GRID2: variants seen among roughly 807,000 people sequenced by gnomAD.
The protein encoded by GRID2 is glutamate ionotropic receptor delta type subunit 2.
A neutral mutation model predicts 114.8 loss-of-function variants in GRID2; 33 were observed. That is an observed-to-expected ratio of 0.29 (90% CI 0.22 to 0.38). GRID2 has a LOEUF of 0.38. GRID2 is among the 10% of genes least tolerant of loss of function. GRID2 has a pLI of 1.00. For missense variants in GRID2, 1,184 were observed against 1,257.7 expected (o/e 0.94, Z 0.89); for synonymous variants, 505 against 449.9 (o/e 1.12, Z -1.55).
chr4:92,387,247 AGTT>A (rs1730007392), intron 1 of GRID2, among the ~76,000 whole-genome samples: 1 of 151,868 alleles, frequency 6.6e-6, no homozygotes, highest in Non-Finnish European at 1.5e-5. Flanking sequence ...AAAGATTTGG[AGTT>A]GTTATCTAGA....
intron 14 of GRID2, among the ~76,000 whole-genome samples, chr4:93,703,131 C>T (rs1287546305): frequency 6.6e-6 from 1 of 152,080 alleles, no homozygotes; most frequent in East Asian, 1.9e-4. Context: ...TTTTTTCTGA[C>T]ATCAAGCATG....
chr4:93,514,846 CA>C (rs1287403882), intron 12 of GRID2, among the ~76,000 whole-genome samples: 1 of 152,114 alleles, frequency 6.6e-6, no homozygotes, highest in African/African-American at 2.4e-5. Context: ...ATGCTGATAA[CA>C]TATTGAAAGT....
At chr4:93,506,261 T>C (rs542752204) in intron 12 of GRID2, among the ~76,000 whole-genome samples, 2 of 152,136 alleles carry the variant, frequency 1.3e-5, no homozygotes, top group African/African-American at 4.8e-5. Flanking sequence ...CGGGACAGAG[T>C]GCAGAAAATA....
intron 14 of GRID2, among the ~76,000 whole-genome samples, chr4:93,760,001 C>A (rs1363550169): frequency 6.6e-6 from 1 of 152,166 alleles, no homozygotes; most frequent in Admixed American, 6.5e-5. Context: ...ACTTTCCAGC[C>A]ATGTGGCCTT....
At chr4:92,625,956 A>T (rs537361199) in intron 2 of GRID2, among the ~76,000 whole-genome samples, 1 of 152,022 alleles carries the variant, frequency 6.6e-6, no homozygotes, top group Non-Finnish European at 1.5e-5. Context: ...CTTACATTTT[A>T]AAATTCTGTT....
chr4:93,148,281 T>G (rs1258781173), intron 4 of GRID2, among the ~76,000 whole-genome samples: 1 of 152,156 alleles, frequency 6.6e-6, no homozygotes, highest in Non-Finnish European at 1.5e-5. Flanking sequence ...GAAATAACAC[T>G]ACTGCCAACT....
At chr4:92,627,005 A>G (rs1261222875) in intron 2 of GRID2, among the ~76,000 whole-genome samples, 1 of 152,168 alleles carries the variant, frequency 6.6e-6, no homozygotes, top group Admixed American at 6.6e-5. Flanking sequence ...GAAATATAAT[A>G]ACTAAGGTAA....
At chr4:93,080,799 T>C (rs1367821625) in intron 2 of GRID2, among the ~76,000 whole-genome samples, 1 of 152,156 alleles carries the variant, frequency 6.6e-6, no homozygotes, top group Admixed American at 6.6e-5. Flanking sequence ...TGAGACTGGG[T>C]AATTTATAAT....
chr4:92,776,013 C>A (rs1270987328), intron 2 of GRID2, among the ~76,000 whole-genome samples: 2 of 152,072 alleles, frequency 1.3e-5, no homozygotes, highest in African/African-American at 4.8e-5. Flanking sequence ...CTCTGACACA[C>A]TATAGGAAGG....
intron 1 of GRID2, among the ~76,000 whole-genome samples, chr4:92,316,009 AAAAAAG>A: frequency 1.3e-5 from 2 of 150,906 alleles, no homozygotes; most frequent in East Asian, 3.9e-4. Context: ...AAAAAAAAAA[AAAAAAG>A]AAAAGAGAAC....
chr4:92,501,187 C>T lies in GRID2; in HGVS notation c.89-88944C>T, dbSNP rs979931430. Among the ~76,000 whole-genome samples the T allele has an allele frequency of 3.4e-4, 52 of 152,078 alleles. 1 individual carries two copies. ...GTTTTCAGAAGTATACTTTAATTGACAGTAATTACTGTCAGTTGCAGTAAT... is the reference window on the plus strand; with the variant it reads ...GTTTTCAGAAGTATACTTTAATTGATAGTAATTACTGTCAGTTGCAGTAAT... On this transcript the variant is annotated intron_variant, in intron 1 of 15. Coordinates refer to ENST00000282020, the MANE Select transcript of GRID2 (RefSeq NM_001510.4).
At chr4:92,350,672 A>T (rs1229792662) in intron 1 of GRID2, among the ~76,000 whole-genome samples, 2 of 151,822 alleles carry the variant, frequency 1.3e-5, no homozygotes. Flanking sequence ...TAACAGCTTT[A>T]TTGAGATATA....
At chr4:93,636,238 G>A (rs970186177) in intron 14 of GRID2, among the ~76,000 whole-genome samples, 2 of 152,092 alleles carry the variant, frequency 1.3e-5, no homozygotes, top group African/African-American at 4.8e-5. Flanking sequence ...CAGCAAGTCT[G>A]ATTAGCCTTT....
chr4:93,031,980 A>C (rs1383000967), intron 2 of GRID2, among the ~76,000 whole-genome samples: 1 of 152,158 alleles, frequency 6.6e-6, no homozygotes, highest in African/African-American at 2.4e-5. Flanking sequence ...CAAGCATTAT[A>C]AACAGACTAA....
intron 8 of GRID2, among the ~76,000 whole-genome samples, chr4:93,242,631 T>C (rs1400690944): frequency 1.3e-5 from 2 of 151,956 alleles, no homozygotes; most frequent in East Asian, 3.9e-4. Flanking sequence ...GAGGTTAGTG[T>C]GTGTTCAGCA....
At position 93,323,058 on chromosome 4, in the gene GRID2, A is replaced by C. The variant is rs945862410; in HGVS notation, c.1246-72549A>C. ...AGGAGCTCTTTAGTTTAATTAGATC[A>C]CTTTTGTCAATTTTGGCTTTTGTTG... is the stretch of plus-strand genomic sequence containing the variant. On this transcript the variant is annotated intron_variant, in intron 8 of 15. Transcript: ENST00000282020. 4.9e-4 allele frequency among the ~76,000 whole-genome samples: 75 copies of C among 152,058 alleles called. 1 individual carries two copies. The East Asian group carries it at 9.7e-3, about 20-fold the overall frequency.
chr4:92,801,801 TCATAA>T (rs1271243366), intron 2 of GRID2, among the ~76,000 whole-genome samples: 1 of 151,876 alleles, frequency 6.6e-6, no homozygotes, highest in Non-Finnish European at 1.5e-5. Context: ...CTCATAATAC[TCATAA>T]CAAACCCAAA....
At chr4:92,448,879 A>G (rs1259371047) in intron 1 of GRID2, among the ~76,000 whole-genome samples, 2 of 152,140 alleles carry the variant, frequency 1.3e-5, no homozygotes, top group African/African-American at 4.8e-5. Context: ...ATTATTCCTC[A>G]CAATCACTTC....
chr4:93,358,820 TAC>T (rs1761593516), intron 8 of GRID2, among the ~76,000 whole-genome samples: 1 of 152,136 alleles, frequency 6.6e-6, no homozygotes, highest in Non-Finnish European at 1.5e-5. Context: ...CTACTATTAA[TAC>T]AGTTATTTTA....
Sources: allele counts gnomAD v4.1 joint callset (sites outside exome capture counted in the v4.1 genomes callset), GRCh38; gene constraint gnomAD v4.1.1; transcripts MANE v1.5; gene names NCBI Gene and HGNC (gene_info 2026-07-23, HGNC 2026-07-21).